Variants in CHRM3 observed in about 807,000 individuals in gnomAD.
CHRM3 encodes the protein muscarinic acetylcholine receptor M3.
Under a neutral mutation model 41.8 loss-of-function variants are expected in CHRM3, and 11 were observed. That is an observed-to-expected ratio of 0.26 (90% confidence interval 0.17 to 0.44). CHRM3 has a LOEUF of 0.44. CHRM3 is among the 20% of genes least tolerant of loss of function. The pLI is 1.00. For synonymous variants in CHRM3, 297 were observed against 301.4 expected, an observed-to-expected ratio of 0.99 and a Z score of 0.15; for missense variants, 571 against 745.4, an observed-to-expected ratio of 0.77 and a Z score of 2.72.
At chr1:239,417,747 T>C (rs924524383) in intron 1 of CHRM3, among the ~76,000 whole-genome samples, 1 of 152,130 alleles carries the variant, frequency 6.6e-6, no homozygotes, top group Non-Finnish European at 1.5e-5. Context: ...CTGAGTTACA[T>C]AGGTTTCCCT....
intron 6 of CHRM3, among the ~76,000 whole-genome samples, chr1:239,887,383 G>A (rs1470924475): frequency 2.0e-5 from 3 of 152,176 alleles, no homozygotes; most frequent in Middle Eastern, 3.4e-3. Flanking sequence ...TGTATTTCTA[G>A]TAGAGACGGG....
intron 3 of CHRM3, among the ~76,000 whole-genome samples, chr1:239,565,173 C>G (rs773759979): frequency 6.6e-6 from 1 of 152,190 alleles, no homozygotes. Flanking sequence ...ATCTCCCCAC[C>G]TCAAGATCCT....
intron 5 of CHRM3, among the ~76,000 whole-genome samples, chr1:239,809,299 C>T (rs765619412): frequency 1.3e-5 from 2 of 152,136 alleles, no homozygotes; most frequent in East Asian, 2.0e-4. Context: ...GGATTACAGG[C>T]GTGAGCCACC....
intron 3 of CHRM3, among the ~76,000 whole-genome samples, chr1:239,616,114 G>A (rs1365830961): frequency 6.6e-6 from 1 of 152,236 alleles, no homozygotes; most frequent in East Asian, 1.9e-4. Flanking sequence ...TTATCAATCC[G>A]CAAGTTGTAA....
At chr1:239,513,288 T>C (rs1669044523) in intron 2 of CHRM3, among the ~76,000 whole-genome samples, 1 of 152,188 alleles carries the variant, frequency 6.6e-6, no homozygotes, top group Non-Finnish European at 1.5e-5. Context: ...GTCTTTGTTT[T>C]TCAAAATAAT....
chr1:239,874,297 A>ATATATATATATATATCTATATACACAG, intron 6 of CHRM3, among the ~76,000 whole-genome samples: 1 of 92,200 alleles, frequency 1.1e-5, no homozygotes, highest in African/African-American at 4.5e-5. Context: ...ATATATATAT[A>ATATATATATATATATCTATATACACAG]TATATATATA....
At chr1:239,452,518 T>C (rs1207145012) in intron 1 of CHRM3, among the ~76,000 whole-genome samples, 3 of 152,216 alleles carry the variant, frequency 2.0e-5, no homozygotes, top group Non-Finnish European at 4.4e-5. Flanking sequence ...ATACTTCCAA[T>C]ATCAATTTTC....
At chr1:239,469,609 T>A (rs1241498642) in intron 1 of CHRM3, among the ~76,000 whole-genome samples, 1 of 152,196 alleles carries the variant, frequency 6.6e-6, no homozygotes, top group Non-Finnish European at 1.5e-5. Context: ...CAGGCTGGAA[T>A]GCAATGGCAC....
intron 1 of CHRM3, among the ~76,000 whole-genome samples, chr1:239,474,139 A>T (rs1666316586): frequency 6.6e-6 from 1 of 152,104 alleles, no homozygotes; most frequent in Non-Finnish European, 1.5e-5. Flanking sequence ...CCATATAAAG[A>T]TATTCAATCT....
chr1:239,756,790 T>C (rs1203562775), intron 5 of CHRM3, among the ~76,000 whole-genome samples: 2 of 152,208 alleles, frequency 1.3e-5, no homozygotes, highest in African/African-American at 4.8e-5. Flanking sequence ...TTCTCAGTGC[T>C]GCCTCTTCTC....
chr1:239,780,291 T>G (rs566572730), intron 5 of CHRM3, among the ~76,000 whole-genome samples: 5 of 152,322 alleles, frequency 3.3e-5, no homozygotes, highest in Admixed American at 2.6e-4. Context: ...CACCAACATT[T>G]GGTGTTCTCA....
chr1:239,872,996 G>T (rs1676722796), intron 6 of CHRM3, among the ~76,000 whole-genome samples: 2 of 151,914 alleles, frequency 1.3e-5, no homozygotes, highest in South Asian at 4.2e-4. Flanking sequence ...GTTGTCTCTC[G>T]AGTGTACTTT....
At chr1:239,474,716 A>G in intron 1 of CHRM3, among the ~76,000 whole-genome samples, 1 of 152,154 alleles carries the variant, frequency 6.6e-6, no homozygotes, top group Non-Finnish European at 1.5e-5. Context: ...GAAACGAAAC[A>G]ATGCCAACTA....
intron 4 of CHRM3, among the ~76,000 whole-genome samples, chr1:239,665,766 C>T (rs995993674): frequency 2.0e-5 from 3 of 152,116 alleles, no homozygotes; most frequent in East Asian, 1.9e-4. Flanking sequence ...TGGGAACTTG[C>T]GGTGTTTCGT....
At chr1:239,494,887 T>A (rs1244234872) in intron 2 of CHRM3, among the ~76,000 whole-genome samples, 1 of 152,192 alleles carries the variant, frequency 6.6e-6, no homozygotes, top group East Asian at 1.9e-4. Flanking sequence ...TCATTCCTTT[T>A]TATGGCTGCA....
At chr1:239,761,765 C>G (rs1180262995) in intron 5 of CHRM3, among the ~76,000 whole-genome samples, 1 of 152,192 alleles carries the variant, frequency 6.6e-6, no homozygotes, top group Non-Finnish European at 1.5e-5. Flanking sequence ...GTGGTCCTGT[C>G]CCTGGACGCA....
At chr1:239,465,985 TTTTA>T (rs984817465) in intron 1 of CHRM3, among the ~76,000 whole-genome samples, 2 of 151,940 alleles carry the variant, frequency 1.3e-5, no homozygotes, top group Admixed American at 6.6e-5. Context: ...ATCCATTTCC[TTTTA>T]TTTATTTATT....
At chr1:239,570,387 ATTT>A (rs1661719538) in intron 3 of CHRM3, among the ~76,000 whole-genome samples, 1 of 152,184 alleles carries the variant, frequency 6.6e-6, no homozygotes, top group Non-Finnish European at 1.5e-5. Flanking sequence ...AGTCTCGGGT[ATTT>A]CTTTATAGCA....
At position 239,770,125 on chromosome 1, in the gene CHRM3, C is replaced by T. The variant is rs117803194; in HGVS notation, c.-146-57127C>T. On this transcript the variant is annotated intron_variant, in intron 5 of 6. Transcript: ENST00000676153. ...GTTGAACACTGACTGTGGAAAATTC[C>T]ACAGTGCTTGGAGAGTACAGCCGAC... Among the ~76,000 whole-genome samples, 793 of 152,176 alleles carry T rather than the reference C, an allele frequency of 5.2e-3. 30 individuals carry two copies. The South Asian group carries it at 0.098, about 19-fold the overall frequency.
Sources: allele counts gnomAD v4.1 joint callset (sites outside exome capture counted in the v4.1 genomes callset), GRCh38; gene constraint gnomAD v4.1.1; transcripts MANE v1.5; gene names NCBI Gene and HGNC (gene_info 2026-07-23, HGNC 2026-07-21).